Variants in PTPRG observed in about 807,000 individuals in gnomAD.
PTPRG encodes protein tyrosine phosphatase receptor type G.
In PTPRG, 102 loss-of-function variants were observed where a neutral mutation model predicts 165.3. That is an observed-to-expected ratio of 0.62 (90% confidence interval 0.53 to 0.73). PTPRG has a LOEUF of 0.73. PTPRG is among the 30% of genes least tolerant of loss of function. The pLI, the probability that PTPRG is intolerant of heterozygous loss-of-function variation, is 0.00. For missense variants in PTPRG, 1,866 were observed against 1,861.4 expected, an observed-to-expected ratio of 1.00 and a Z score of -0.05; for synonymous variants, 675 against 669.5, an observed-to-expected ratio of 1.01 and a Z score of -0.13.
At chr3:62,241,304 A>T (rs1209970887) in intron 14 of PTPRG, among the ~76,000 whole-genome samples, 1 of 152,142 alleles carries the variant, frequency 6.6e-6, no homozygotes, top group Non-Finnish European at 1.5e-5. Flanking sequence ...TGCCAAATCC[A>T]TTGAAATCTT....
intron 2 of PTPRG, among the ~76,000 whole-genome samples, chr3:61,766,666 G>T (rs1209631313): frequency 6.6e-6 from 1 of 151,526 alleles, no homozygotes; most frequent in African/African-American, 2.4e-5. Context: ...GCCCAGATTG[G>T]AGTGTGGTGT....
At position 61,569,370 on chromosome 3, in the gene PTPRG, A is replaced by G. The variant is rs995413423; in HGVS notation, c.85+6998A>G. On this transcript the variant is annotated intron_variant, in intron 1 of 29. Coordinates refer to ENST00000474889, the MANE Select transcript of PTPRG (RefSeq NM_002841.4). ...CCTCTGTGAAATGGGGTGGTGATAG[A>G]AGCCTAACTCCTAAAGTCTTTGTGA... 1.4e-4 allele frequency among the ~76,000 whole-genome samples: 22 copies of G among 152,304 alleles called. No individual in the cohort carries two copies. The East Asian group carries it at 4.0e-3, about 28-fold the overall frequency.
intron 1 of PTPRG, among the ~76,000 whole-genome samples, chr3:61,599,598 T>G (rs1700792523): frequency 6.6e-6 from 1 of 151,972 alleles, no homozygotes; most frequent in Non-Finnish European, 1.5e-5. Context: ...GCTCAAGTGG[T>G]CCTCCCAACT....
chr3:61,904,426 C>T (rs2038588895), intron 2 of PTPRG, among the ~76,000 whole-genome samples: 1 of 152,182 alleles, frequency 6.6e-6, no homozygotes, highest in Non-Finnish European at 1.5e-5. Context: ...AACCATCTCC[C>T]TACAGGCCCA....
intron 4 of PTPRG, among the ~76,000 whole-genome samples, chr3:62,021,050 CTG>C (rs1215592500): frequency 6.6e-6 from 1 of 152,140 alleles, no homozygotes; most frequent in East Asian, 1.9e-4. Flanking sequence ...ATTACTGCCA[CTG>C]TGTGAGTACG....
At chr3:62,276,408 TA>T (rs934803379) in intron 24 of PTPRG, 2 of 156,632 alleles carry the variant, frequency 1.3e-5, no homozygotes, top group African/African-American at 4.8e-5. Context: ...CAACTAGAAC[TA>T]CCTTATTCAG....
intron 2 of PTPRG, among the ~76,000 whole-genome samples, chr3:61,872,495 C>T (rs1047272966): frequency 6.6e-6 from 1 of 152,128 alleles, no homozygotes; most frequent in Non-Finnish European, 1.5e-5. Context: ...CCAAATTCCC[C>T]ATCTGTAAAG....
intron 1 of PTPRG, among the ~76,000 whole-genome samples, chr3:61,697,850 C>T (rs1369055415): frequency 1.3e-5 from 2 of 152,108 alleles, no homozygotes; most frequent in African/African-American, 4.8e-5. Flanking sequence ...GTACTTATGC[C>T]TGTTATTCTG....
intron 6 of PTPRG, among the ~76,000 whole-genome samples, chr3:62,153,448 C>G (rs533986056): frequency 6.6e-6 from 1 of 152,170 alleles, no homozygotes; most frequent in African/African-American, 2.4e-5. Flanking sequence ...TCAGTTAATT[C>G]GAAGCCCATA....
chr3:62,053,266 G>GTTTTTTTT (rs36000751), intron 4 of PTPRG, among the ~76,000 whole-genome samples: 2 of 130,978 alleles, frequency 1.5e-5, no homozygotes, highest in African/African-American at 5.6e-5. Context: ...ACTGCCTTGG[G>GTTTTTTTT]TTTTTTTTTT....
intron 1 of PTPRG, among the ~76,000 whole-genome samples, chr3:61,685,932 A>C (rs1703610458): frequency 6.6e-6 from 1 of 152,014 alleles, no homozygotes; most frequent in Non-Finnish European, 1.5e-5. Context: ...CAGATTTCTT[A>C]TTGCCGTGTT....
chr3:61,850,338 A>AT (rs1267248878), intron 2 of PTPRG, among the ~76,000 whole-genome samples: 1 of 151,574 alleles, frequency 6.6e-6, no homozygotes, highest in Non-Finnish European at 1.5e-5. Context: ...TGATTTTTGT[A>AT]TTTTTTAGTA....
rs143653174 is a variant in PTPRG at position 62,112,509 on chromosome 3, G to A, written c.616-20093G>A. 1.5e-3 allele frequency among the ~76,000 whole-genome samples: 228 copies of A among 152,322 alleles called. 3 individuals are homozygous for A. Among genetic ancestry groups the A allele is most frequent in the South Asian group, 0.011 (55 of 4,828 alleles). On this transcript the variant is annotated intron_variant, in intron 5 of 29. Transcript: ENST00000474889. ...AATGATTATTTGTTCTAACTCTTAAGGTTGTTGTAGATAAAGAGAAATAAT... is the reference window on the plus strand; with the variant it reads ...AATGATTATTTGTTCTAACTCTTAAAGTTGTTGTAGATAAAGAGAAATAAT...
intron 2 of PTPRG, among the ~76,000 whole-genome samples, chr3:61,861,395 A>C (rs1025751110): frequency 6.6e-6 from 1 of 152,174 alleles, no homozygotes; most frequent in Admixed American, 6.5e-5. Flanking sequence ...TTGATCAAAG[A>C]TATCATTGTA....
chr3:62,121,031 GC>G (rs1401999192), intron 5 of PTPRG, among the ~76,000 whole-genome samples: 1 of 151,432 alleles, frequency 6.6e-6, no homozygotes, highest in South Asian at 2.1e-4. Flanking sequence ...TGCAAGCTGT[GC>G]CCCCCGGGTT....
intron 12 of PTPRG, among the ~76,000 whole-genome samples, chr3:62,212,316 A>C (rs1176962653): frequency 1.3e-5 from 2 of 152,108 alleles, no homozygotes; most frequent in African/African-American, 2.4e-5. Context: ...CACAGATCCA[A>C]ATGTGCTGAG....
chr3:61,824,305 G>C (rs1042101519), intron 2 of PTPRG, among the ~76,000 whole-genome samples: 1 of 152,328 alleles, frequency 6.6e-6, no homozygotes, highest in Admixed American at 6.5e-5. Flanking sequence ...TTTTGACTGA[G>C]AAGCCAGGTT....
intron 13 of PTPRG, among the ~76,000 whole-genome samples, chr3:62,230,709 G>A (rs948506942): frequency 3.9e-5 from 6 of 152,150 alleles, no homozygotes; most frequent in African/African-American, 1.4e-4. Context: ...AATCTGTATT[G>A]TGAATTAAGA....
intron 4 of PTPRG, among the ~76,000 whole-genome samples, chr3:62,051,109 G>A (rs780448763): frequency 1.2e-4 from 19 of 152,144 alleles, no homozygotes; most frequent in Non-Finnish European, 2.6e-4. Flanking sequence ...GCATAAGTGA[G>A]GCATGTCTCC....
Sources: gnomAD v4.1 joint callset for allele counts (sites outside exome capture counted in the v4.1 genomes callset) on GRCh38, gnomAD v4.1.1 for gene constraint, MANE v1.5 for transcripts, NCBI Gene and HGNC (gene_info 2026-07-23, HGNC 2026-07-21) for gene names.